The following NBPF26 variants were observed in gnomAD, a reference collection of about 807,000 sequenced individuals.
The protein encoded by NBPF26 is NBPF member 26.
NBPF26 carries 79 observed loss-of-function variants against 119.6 expected under a neutral mutation model. The ratio of observed to expected loss-of-function variants is 0.66; its 90% CI spans 0.55 to 0.80. The LOEUF (loss-of-function observed/expected upper bound fraction) is 0.80, where lower values mean the gene tolerates loss of function less well. Ranked by LOEUF, NBPF26 falls within the 30% of genes least tolerant of loss-of-function variation. The pLI, the probability that NBPF26 is intolerant of heterozygous loss-of-function variation, is 0.00. For synonymous variants in NBPF26, 299 were observed against 457.7 expected, an observed-to-expected ratio of 0.65 and a Z score of 4.43; for missense variants, 800 against 1,198.2, an observed-to-expected ratio of 0.67 and a Z score of 4.91.
chr1:120,793,449 C>T, exon 4 of NBPF26: 2 of 1,435,150 alleles, frequency 1.4e-6, no homozygotes, highest in South Asian at 1.2e-5. Context: ...AATGGAGGCA[C>T]CTGTCGGCAG....
At chr1:120,724,000 G>A (rs1650783156) in exon 1 of NBPF26, 6 of 1,216,818 alleles carry the variant, frequency 4.9e-6, no homozygotes, top group Non-Finnish European at 6.2e-6. Context: ...GACTCGGGGC[G>A]CGGGGAGTCG....
In NBPF26 at chr1:120,752,555, T is replaced by TATATA. The variant is rs1286857308; in HGVS notation, c.74-11073_74-11072insATATA. On this transcript the variant is annotated intron_variant, in intron 1 of 29. Coordinates refer to ENST00000620612, the Ensembl canonical transcript of NBPF26. ...ATATATATATATATATATATATATATTTTTTTTTTTTTTTTTTTTCTTTTT... is the reference window on the plus strand; with the variant it reads ...ATATATATATATATATATATATATATATATATTTTTTTTTTTTTTTTTTTCTTTTT... Among the ~76,000 whole-genome samples the TATATA allele has an allele frequency of 4.2e-3, 28 of 6,610 alleles. 1 individual carries two copies. Among genetic ancestry groups the TATATA allele is most frequent in the African/African-American group, 0.026 (19 of 732 alleles). 4.3% of individuals were successfully genotyped at this position (6,610 alleles called of 152,430 possible).
intron 5 of NBPF26, 23 bp from the exon 6 acceptor site, chr1:120,807,580 GAGGC>G (rs1651731935): frequency 6.8e-7 from 1 of 1,467,358 alleles, no homozygotes; most frequent in South Asian, 1.2e-5. Context: ...GCCTTCCACT[GAGGC>G]AGGTGTGTCT....
intron 16 of NBPF26, among the ~76,000 whole-genome samples, chr1:120,822,878 T>C (rs1652149659): frequency 8.3e-6 from 1 of 121,078 alleles, no homozygotes; most frequent in East Asian, 2.0e-4. Flanking sequence ...GAACCAAGTT[T>C]CATTTTGACT....
Position 120,823,068 on chromosome 1 carries a change from G to C in NBPF26, c.2588-241G>C, listed in dbSNP as rs1652155357. ...TTGCTCATTTGTGTACATAAACCTA[G>C]GACAGAGCACATAGGGAAGATAACA... On this transcript the variant is annotated intron_variant, in intron 16 of 29. Transcript: ENST00000620612. Among the ~76,000 whole-genome samples the C allele has an allele frequency of 1.7e-5, 2 of 120,354 alleles. 1 individual carries two copies. The highest frequency in any genetic ancestry group is 3.3e-5 in the Non-Finnish European group (2 of 59,988). The allele number at this position is 120,354 out of a possible 152,430, so 79.0% of individuals were successfully genotyped here. A position where few individuals can be genotyped will look rare whatever the true frequency, so the allele number is the denominator to read the frequency against.
chr1:120,806,838 T>C (rs1236580136), intron 5 of NBPF26, among the ~76,000 whole-genome samples: 1 of 120,970 alleles, frequency 8.3e-6, no homozygotes, highest in East Asian at 2.0e-4. Flanking sequence ...GTTCAGAGGG[T>C]ACTACAATAA....
chr1:120,823,995 T>C lies in NBPF26; in HGVS notation c.2661T>C (p.Asp887=), dbSNP rs1471315858. Residue 887 remains aspartate (D), a synonymous_variant, in exon 18 of 30, where the codon GAT becomes GAC. Coordinates refer to ENST00000620612, the Ensembl canonical transcript of NBPF26. ...CCAGGCTCAGCAGAGAGCTGCTGGA[T>C]GAGAAAGGGCCTGAAGTCTTGCAGG... 2.5e-4 allele frequency: 215 copies of C among 855,926 alleles called. 35 individuals carry two copies. Among genetic ancestry groups the C allele is most frequent in the Non-Finnish European group, 3.5e-4 (198 of 571,886 alleles). The allele number at this position is 855,926 out of a possible 1,614,324, so 53.0% of individuals were successfully genotyped here. A position where few individuals can be genotyped will look rare whatever the true frequency, so the allele number is the denominator to read the frequency against.
chr1:120,806,155 G>A (rs1651677970), intron 5 of NBPF26, among the ~76,000 whole-genome samples: 1 of 116,676 alleles, frequency 8.6e-6, no homozygotes, highest in African/African-American at 4.3e-5. Context: ...TTCAGTTCAA[G>A]TTTCTGTTGA....
Position 120,811,966 on chromosome 1 carries a change from A to G in NBPF26, c.1645A>G (p.Asn549Asp). The change falls in exon 10 of 30, where the codon AAC (asparagine) becomes GAC (aspartate). Residue 549 changes from asparagine (N) to aspartate (D), a missense_variant. Coordinates refer to ENST00000620612, the Ensembl canonical transcript of NBPF26. ...TTTGTCCGGCGAGAAGGCAGCGATA[A>G]ACATTCTAGAAATCAATGAGAAATT... The G allele has an allele frequency of 1.6e-6, 2 of 1,236,070 alleles. 1 individual carries two copies. The highest frequency in any genetic ancestry group is 2.2e-6 in the Non-Finnish European group (2 of 896,192). The allele number at this position is 1,236,070 out of a possible 1,614,324, so 76.6% of individuals were successfully genotyped here. A position where few individuals can be genotyped will look rare whatever the true frequency, so the allele number is the denominator to read the frequency against.
intron 4 of NBPF26, among the ~76,000 whole-genome samples, chr1:120,804,713 G>C (rs2101487479): frequency 8.5e-6 from 1 of 117,726 alleles, no homozygotes; most frequent in East Asian, 2.1e-4. Context: ...TAGAGGAAGA[G>C]CTTTGGACGT....
chr1:120,830,001 C>G (rs1210636458), intron 19 of NBPF26, among the ~76,000 whole-genome samples: 174 of 120,478 alleles, frequency 1.4e-3, no homozygotes, highest in African/African-American at 3.1e-3. Context: ...TTATCATTTA[C>G]TAACTTACTA....
chr1:120,793,669 A>T lies in NBPF26; in HGVS notation c.751+173A>T, dbSNP rs1651521330. 3.9e-5 allele frequency: 24 copies of T among 615,520 alleles called. 4 individuals are homozygous for T. The Admixed American group carries it at 3.9e-4, about 10-fold the overall frequency. 38.1% of individuals were successfully genotyped at this position (615,520 alleles called of 1,614,324 possible). On this transcript the variant is annotated intron_variant, in intron 4 of 29. Coordinates refer to ENST00000620612, the Ensembl canonical transcript of NBPF26. ...TTTATGGGCCCACTGTGGTCCATAA[A>T]CTGAGCAGGGGATAATTTAGCATGT...
chr1:120,805,656 G>C, exon 5 of NBPF26: 1 of 1,458,142 alleles, frequency 6.9e-7, no homozygotes, highest in Non-Finnish European at 9.3e-7. Flanking sequence ...AAATCAACGA[G>C]ACATTGCGCC....
intron 29 of NBPF26, among the ~76,000 whole-genome samples, chr1:120,840,141 CTG>C (rs1557993893): frequency 2.3e-4 from 2 of 8,730 alleles, no homozygotes; most frequent in African/African-American, 6.3e-4. Context: ...GTCTCTGTCT[CTG>C]TCTCTCTCTC....
In NBPF26 at chr1:120,794,108, G is replaced by A. The variant is rs1426177829; in HGVS notation, c.751+612G>A. On this transcript the variant is annotated intron_variant, in intron 4 of 29. Coordinates refer to ENST00000620612, the Ensembl canonical transcript of NBPF26. ...GAGGGGATCCTCTGTTAATCAGTGA[G>A]CACTTTTTGATGAGCTGATAGATGA... Among the ~76,000 whole-genome samples, 2 of 108,760 alleles carry A rather than the reference G, an allele frequency of 1.8e-5. 1 individual carries two copies. Among genetic ancestry groups the A allele is most frequent in the Non-Finnish European group, 3.4e-5 (2 of 58,348 alleles). 71.4% of individuals were successfully genotyped at this position (108,760 alleles called of 152,430 possible). A position where few individuals can be genotyped will look rare whatever the true frequency, so the allele number is the denominator to read the frequency against.
Position 120,809,650 on chromosome 1 carries a change from G to C in NBPF26, c.1280-161G>C, listed in dbSNP as rs1315939712. ...CATCAGAAATGCATTGCCCGATGGA[G>C]CAGGAAACCATGCCAGGGCATTTTG... On this transcript the variant is annotated intron_variant, in intron 7 of 29. Transcript: ENST00000620612. Among the ~76,000 whole-genome samples, 10 of 150,246 alleles carry C rather than the reference G, an allele frequency of 6.7e-5. No individual in the cohort carries two copies. In the South Asian group the frequency reaches 8.4e-4, roughly 13 times the overall value.
rs1224117859 is a variant in NBPF26 at position 120,805,245 on chromosome 1, G to T, written c.752-311G>T. On this transcript the variant is annotated intron_variant, in intron 4 of 29. Transcript: ENST00000620612. ...AAAGCCTGGGCAATTGGAATGCAGG[G>T]CTCCTAAGTTTCCATGACACCCCCA... Among the ~76,000 whole-genome samples, 4 of 125,784 alleles carry T rather than the reference G, an allele frequency of 3.2e-5. 1 individual carries two copies. Among genetic ancestry groups the T allele is most frequent in the Non-Finnish European group, 6.5e-5 (4 of 61,420 alleles). The allele number at this position is 125,784 out of a possible 152,430, so 82.5% of individuals were successfully genotyped here. A position where few individuals can be genotyped will look rare whatever the true frequency, so the allele number is the denominator to read the frequency against.
rs1652049344 is a variant in NBPF26 at position 120,818,102 on chromosome 1, C to T, written c.2372-21C>T. The T allele has an allele frequency of 7.8e-6, 4 of 514,002 alleles. 1 individual carries two copies. In the African/African-American group the frequency reaches 1.3e-4, roughly 17 times the overall value. The allele number at this position is 514,002 out of a possible 1,614,324, so 31.8% of individuals were successfully genotyped here. On this transcript the variant is annotated intron_variant, in intron 14 of 29. Coordinates refer to ENST00000620612, the Ensembl canonical transcript of NBPF26. The stretch of plus-strand genomic sequence containing the variant: ...AGTATGAATTGCTTAATGTGACCTG[C>T]TTCTCTGAATTTATTTACAGAAAAT...
chr1:120,812,947 AT>A, intron 10 of NBPF26, among the ~76,000 whole-genome samples: 11 of 117,784 alleles, frequency 9.3e-5, no homozygotes, highest in South Asian at 2.4e-4. Context: ...AATAATAATA[AT>A]AATAATAATA....
Sources: allele counts gnomAD v4.1 joint callset (sites outside exome capture counted in the v4.1 genomes callset), GRCh38; gene constraint gnomAD v4.1.1; transcripts MANE v1.5; gene names NCBI Gene and HGNC (gene_info 2026-07-23, HGNC 2026-07-21).